PLCD3: variants seen among roughly 807,000 people sequenced by gnomAD.
The protein encoded by PLCD3 is 1-phosphatidylinositol 4,5-bisphosphate phosphodiesterase delta-3.
In PLCD3, 62 loss-of-function variants were observed where a neutral mutation model predicts 82.8. The ratio of observed to expected loss-of-function variants is 0.75; its 90% CI spans 0.61 to 0.93. The LOEUF (loss-of-function observed/expected upper bound fraction) is 0.93. PLCD3 is among the 40% of genes least tolerant of loss of function. PLCD3 has a pLI of 0.00. For missense variants in PLCD3, 1,023 were observed against 1,103.4 expected (o/e 0.93, Z 1.03); for synonymous variants, 478 against 471.8 (o/e 1.01, Z -0.17).
In PLCD3 at chr17:45,113,257, C is replaced by T. The variant is rs763286635; in HGVS notation, c.1996G>A (p.Val666Met). Residue 666 changes from valine (V) to methionine (M), a missense_variant and splice_region_variant, in exon 13 of 15, where the codon GTG (valine) becomes ATG (methionine). This residue lies in a region of PLCD3 where 553 missense variants were observed against 655.7 expected (regional missense o/e 0.84). Coordinates refer to ENST00000619929, the MANE Select transcript of PLCD3 (RefSeq NM_133373.5). ...TTGGGCAGCTGCTGTGCAGTCAGCA[C>T]CTGTGGGTGAGGGAGGGAGTGGCTG... ...GPPRTTLSIQVLTAQQLPKLN... is the reference protein window; with the variant it reads ...GPPRTTLSIQMLTAQQLPKLN... 1.2e-6 allele frequency: 2 copies of T among 1,604,266 alleles called. No individual in the cohort carries two copies. Among genetic ancestry groups the T allele is most frequent in the Non-Finnish European group, 1.7e-6 (2 of 1,175,836 alleles).
rs763952935 is a variant in PLCD3 at position 45,112,608 on chromosome 17, G to A, written c.*8C>T. ...CTCGCAGAACCCCAAGGCGAGTGAG[G>A]TGGGCCCTCAGGAGCGCTGGATGCG... is the stretch of plus-strand genomic sequence containing the variant. On this transcript the variant is annotated 3_prime_UTR_variant, in exon 15 of 15. Coordinates refer to ENST00000619929, the MANE Select transcript of PLCD3 (RefSeq NM_133373.5). 54 of 1,592,962 alleles carry A rather than the reference G, an allele frequency of 3.4e-5. No homozygotes were observed. In the Admixed American group the frequency reaches 8.8e-4, roughly 26 times the overall value.
At position 45,112,872 on chromosome 17, in the gene PLCD3, G is replaced by C. The variant is rs758927205; in HGVS notation, c.2272C>G (p.Leu758Val). 6.2e-7 allele frequency: 1 copy of C among 1,612,464 alleles called. No homozygotes were observed. The highest frequency in any genetic ancestry group is 1.7e-5 in the Admixed American group (1 of 59,792). Reference sequence around the variant, plus strand: ...ACCAGCCTCCACCAACCTTGCTTTAGGCTGCTAAGAGGCAGTGTAAACTGG... The same window carrying C: ...ACCAGCCTCCACCAACCTTGCTTTACGCTGCTAAGAGGCAGTGTAAACTGG... Reference protein sequence around the residue: ...VGQFTLPLSSLKQGYRHIHLL... With the variant: ...VGQFTLPLSSVKQGYRHIHLL... The change falls in exon 14 of 15, where the codon CTA (leucine) becomes GTA (valine). Residue 758 changes from leucine (L) to valine (V), a missense_variant. Physicochemically the swap from Leu to Val is conservative, Grantham distance 32. This residue lies in a region of PLCD3 where 553 missense variants were observed against 655.7 expected (regional missense o/e 0.84). Coordinates refer to ENST00000619929, the MANE Select transcript of PLCD3 (RefSeq NM_133373.5).
At chr17:45,124,511 C>T (rs1310374384) in intron 1 of PLCD3, among the ~76,000 whole-genome samples, 1 of 152,220 alleles carries the variant, frequency 6.6e-6, no homozygotes, top group Admixed American at 6.5e-5. Flanking sequence ...TCTGTGTCCC[C>T]ACTGCTCGTG....
At chr17:45,129,850 C>G (rs773301910) in intron 1 of PLCD3, among the ~76,000 whole-genome samples, 9 of 152,220 alleles carry the variant, frequency 5.9e-5, no homozygotes, top group Non-Finnish European at 8.8e-5. Flanking sequence ...CTGGGTCTCC[C>G]TAGTGTGGCC....
intron 4 of PLCD3, 86 bp downstream of exon 4, chr17:45,120,239 G>A (rs2054325080): frequency 3.2e-6 from 5 of 1,563,912 alleles, no homozygotes; most frequent in Non-Finnish European, 4.4e-6. Flanking sequence ...GAGAGGGCAG[G>A]GGAGCTGATG....
rs1277150048 is a variant in PLCD3 at position 45,121,302 on chromosome 17, C to A, written c.234G>T (p.Thr78=). The A allele has an allele frequency of 6.3e-7, 1 of 1,575,476 alleles. No individual in the cohort carries two copies. Among genetic ancestry groups the A allele is most frequent in the Non-Finnish European group, 8.6e-7 (1 of 1,169,518 alleles). The part of the protein sequence containing the change: ...GSRLRKIRSR[T]WHKERLYRLQ... ...GCCGGTACAGCCGCTCCTTGTGCCA[C>A]GTGCGCGAGCGGATCTTGCGGAGCC... Residue 78 remains threonine (T), a synonymous_variant, in exon 2 of 15, where the codon ACG becomes ACT. Coordinates refer to ENST00000619929, the MANE Select transcript of PLCD3 (RefSeq NM_133373.5).
At chr17:45,116,027 GTAA>G (rs2054288526) in intron 8 of PLCD3, among the ~76,000 whole-genome samples, 1 of 152,224 alleles carries the variant, frequency 6.6e-6, no homozygotes, top group Non-Finnish European at 1.5e-5. Flanking sequence ...GATTTTCACA[GTAA>G]TAACAAAAAT....
At position 45,112,583 on chromosome 17, in the gene PLCD3, C is replaced by T. The variant is rs373387984; in HGVS notation, c.*33G>A. On this transcript the variant is annotated 3_prime_UTR_variant, in exon 15 of 15. Coordinates refer to ENST00000619929, the MANE Select transcript of PLCD3 (RefSeq NM_133373.5). ...GCTCTGCAGGGGATGTGGACTGGCA[C>T]TCGCAGAACCCCAAGGCGAGTGAGG... 116 of 1,555,146 alleles carry T rather than the reference C, an allele frequency of 7.5e-5. No homozygotes were observed. The African/African-American group carries it at 1.2e-3, about 16-fold the overall frequency.
rs2054293445 is a variant in PLCD3, at chr17:45,116,620, G to T, written c.1413+12C>A. The T allele has an allele frequency of 1.9e-6, 3 of 1,563,686 alleles. No individual in the cohort carries two copies. The Admixed American group carries it at 5.4e-5, about 28-fold the overall frequency. On this transcript the variant is annotated intron_variant, in intron 8 of 14. Transcript: ENST00000619929. ...CCTCCCTCCACCCAGGCTAGGGGCT[G>T]GGGGGCGTCACCTCTGGGGATGGCA...
chr17:45,117,661 T>A (rs532739351), intron 7 of PLCD3, among the ~76,000 whole-genome samples: 2 of 152,370 alleles, frequency 1.3e-5, no homozygotes, highest in South Asian at 4.1e-4. Context: ...TTTATGCAGA[T>A]GCCACTGGTG....
At chr17:45,128,414 A>C (rs1567884891) in intron 1 of PLCD3, among the ~76,000 whole-genome samples, 1 of 152,330 alleles carries the variant, frequency 6.6e-6, no homozygotes, top group East Asian at 1.9e-4. Flanking sequence ...GCCCCTGCTT[A>C]GACTGGAGGG....
At position 45,120,959 on chromosome 17, in the gene PLCD3, CCG is replaced by C; in HGVS notation, c.495_496del (p.Gly166SerfsTer29). The C allele has an allele frequency of 6.6e-7, 1 of 1,518,290 alleles. No homozygotes were observed. The highest frequency in any genetic ancestry group is 8.8e-7 in the Non-Finnish European group (1 of 1,140,372). 94.1% of individuals were successfully genotyped at this position (1,518,290 alleles called of 1,614,324 possible). On this transcript the variant is annotated frameshift_variant, in exon 3 of 15. Transcript: ENST00000619929. LOFTEE classifies it high-confidence loss of function. Reference sequence around the variant, plus strand: ...CAGGCGCGCGCGGAGCTTGGTCAGACCGCGCACCCAGCGCTGCGCTTCCTCAG... The same window carrying C: ...CAGGCGCGCGCGGAGCTTGGTCAGACCGCACCCAGCGCTGCGCTTCCTCAG...
chr17:45,114,579 C>G, intron 10 of PLCD3: 1 of 517,396 alleles, frequency 1.9e-6, no homozygotes, highest in Non-Finnish European at 3.4e-6. Flanking sequence ...CATCCCCAGC[C>G]CCCAATTCCC....
intron 1 of PLCD3, among the ~76,000 whole-genome samples, chr17:45,129,813 G>T (rs529930117): frequency 6.6e-6 from 1 of 152,342 alleles, no homozygotes; most frequent in Admixed American, 6.5e-5. Context: ...CACTGTGGGG[G>T]TGTTTTCTTC....
In PLCD3 at chr17:45,112,600, C is replaced by G. The variant is rs370221217; in HGVS notation, c.*16G>C. On this transcript the variant is annotated 3_prime_UTR_variant, in exon 15 of 15. Transcript: ENST00000619929. The stretch of plus-strand genomic sequence containing the variant: ...GACTGGCACTCGCAGAACCCCAAGG[C>G]GAGTGAGGTGGGCCCTCAGGAGCGC... 1.3e-6 allele frequency: 2 copies of G among 1,584,192 alleles called. No individual in the cohort carries two copies. Among genetic ancestry groups the G allele is most frequent in the Non-Finnish European group, 1.7e-6 (2 of 1,164,934 alleles).
At chr17:45,120,837 A>ATGGGGCTCTCCAAGGT (rs1455013485) in intron 3 of PLCD3, 65 bp downstream of exon 3, 27 of 1,394,468 alleles carry the variant, frequency 1.9e-5, no homozygotes, top group African/African-American at 3.0e-5. Context: ...CTCTCCAAGG[A>ATGGGGCTCTCCAAGGT]TGGGGCTCTC....
chr17:45,121,240 CG>C lies in PLCD3; in HGVS notation c.295del (p.Arg99AlafsTer69). 1.9e-5 allele frequency: 30 copies of C among 1,590,390 alleles called. No homozygotes were observed. The highest frequency in any genetic ancestry group is 2.6e-5 in the Non-Finnish European group (30 of 1,176,450). On this transcript the variant is annotated frameshift_variant, in exon 2 of 15. Transcript: ENST00000619929. LOFTEE classifies it high-confidence loss of function. ...GTGCTGCGATGGCGCACGCGGGATGCGCCGCTGGAACCACACGCTCAGGCCG... is the reference window on the plus strand; with the variant it reads ...GTGCTGCGATGGCGCACGCGGGATGCCCGCTGGAACCACACGCTCAGGCCG... The part of the protein sequence containing the change: ...EDGLSVWFQR[R>X]IPRAPSQHIF...
Position 45,120,429 on chromosome 17 carries a change from C to T in PLCD3, c.580G>A (p.Ala194Thr), listed in dbSNP as rs1195892910. 1 of 1,613,986 alleles carries T rather than the reference C, an allele frequency of 6.2e-7. No individual in the cohort carries two copies. The stretch of plus-strand genomic sequence containing the variant: ...ATCTTGCTGTCCTGGTTGGAGTCAG[C>T]CCGGTGCAGATAGGAGTGGATCCAG... ...DHWIHSYLHRADSNQDSKMSF... is the reference protein window; with the variant it reads ...DHWIHSYLHRTDSNQDSKMSF... The change falls in exon 4 of 15, where the codon GCT becomes ACT. Residue 194 changes from alanine to threonine, a missense_variant. Physicochemically the swap from Ala to Thr is moderately conservative, Grantham distance 58 (BLOSUM62 0). Coordinates refer to ENST00000619929, the MANE Select transcript of PLCD3 (RefSeq NM_133373.5).
At chr17:45,116,521 A>T in intron 8 of PLCD3, 111 bp downstream of exon 8, 2 of 1,175,168 alleles carry the variant, frequency 1.7e-6, no homozygotes, top group Non-Finnish European at 2.3e-6. Context: ...GAGAAAAGTT[A>T]AGGCAGCAAG....
Sources: allele counts gnomAD v4.1 joint callset (sites outside exome capture counted in the v4.1 genomes callset), GRCh38; gene constraint gnomAD v4.1.1; regional missense constraint gnomAD v4.1.1; transcripts MANE v1.5; gene names NCBI Gene and HGNC (gene_info 2026-07-23, HGNC 2026-07-21).